Variants in RNF220 observed in about 807,000 individuals in gnomAD.
RNF220 encodes the protein E3 ubiquitin-protein ligase RNF220.
A neutral mutation model predicts 67.1 loss-of-function variants in RNF220; 7 were observed. That is an observed-to-expected ratio of 0.10 (90% confidence interval 0.06 to 0.20). RNF220 has a LOEUF of 0.20. Among genes scored for constraint, RNF220 ranks in the 10% least tolerant of loss-of-function variants. RNF220 has a pLI of 1.00. For synonymous variants in RNF220, 270 were observed against 283.2 expected, an observed-to-expected ratio of 0.95 and a Z score of 0.47; for missense variants, 565 against 740.3, an observed-to-expected ratio of 0.76 and a Z score of 2.75.
At chr1:44,549,822 G>A (rs976932284) in intron 2 of RNF220, among the ~76,000 whole-genome samples, 2 of 152,240 alleles carry the variant, frequency 1.3e-5, no homozygotes, top group African/African-American at 4.8e-5. Flanking sequence ...CAGCATCTTA[G>A]CTGGCAGACA....
At chr1:44,532,804 C>T (rs533731110) in intron 2 of RNF220, among the ~76,000 whole-genome samples, 6 of 152,330 alleles carry the variant, frequency 3.9e-5, no homozygotes, top group African/African-American at 1.2e-4. Flanking sequence ...TGCTATCCAC[C>T]TGTGTCTCCT....
At chr1:44,500,354 T>G (rs1184646432) in intron 2 of RNF220, among the ~76,000 whole-genome samples, 2 of 152,200 alleles carry the variant, frequency 1.3e-5, no homozygotes, top group African/African-American at 2.4e-5. Flanking sequence ...TATGTCTAAA[T>G]TCTGCCTGTA....
chr1:44,543,288 C>A (rs947127826), intron 2 of RNF220, among the ~76,000 whole-genome samples: 12 of 152,024 alleles, frequency 7.9e-5, no homozygotes, highest in Admixed American at 6.5e-4. Flanking sequence ...TGCCCAGTGA[C>A]ACCTGCAGGT....
At chr1:44,633,155 T>C (rs1392573667) in intron 6 of RNF220, among the ~76,000 whole-genome samples, 1 of 152,256 alleles carries the variant, frequency 6.6e-6, no homozygotes, top group African/African-American at 2.4e-5. Context: ...ACTTGGTTTC[T>C]GCTGCCAGGC....
chr1:44,534,200 G>T (rs1362436294), intron 2 of RNF220, among the ~76,000 whole-genome samples: 1 of 152,106 alleles, frequency 6.6e-6, no homozygotes, highest in African/African-American at 2.4e-5. Flanking sequence ...GGCTGGTCTC[G>T]AACTCCTGCG....
At chr1:44,423,497 C>T (rs1331412562) in intron 2 of RNF220, among the ~76,000 whole-genome samples, 1 of 152,166 alleles carries the variant, frequency 6.6e-6, no homozygotes, top group African/African-American at 2.4e-5. Context: ...AAAGATATGT[C>T]ACTAGAAAAT....
chr1:44,426,810 A>T (rs1333003638), intron 2 of RNF220, among the ~76,000 whole-genome samples: 2 of 152,186 alleles, frequency 1.3e-5, no homozygotes, highest in Non-Finnish European at 2.9e-5. Flanking sequence ...ATAGACCAGT[A>T]ACAAGCAGAT....
At chr1:44,632,125 G>A (rs1473927810) in intron 5 of RNF220, 2 of 1,508,602 alleles carry the variant, frequency 1.3e-6, no homozygotes, top group Admixed American at 2.0e-5. Flanking sequence ...CAGCGGCCAC[G>A]GGGTCCCGTT....
intron 2 of RNF220, among the ~76,000 whole-genome samples, chr1:44,505,662 A>G (rs938657863): frequency 2.6e-5 from 4 of 152,214 alleles, no homozygotes; most frequent in African/African-American, 9.6e-5. Flanking sequence ...CTTCAAAAGG[A>G]ACAGTCCTGG....
intron 8 of RNF220, among the ~76,000 whole-genome samples, chr1:44,641,153 C>T (rs912341649): frequency 6.6e-6 from 1 of 152,124 alleles, no homozygotes; most frequent in African/African-American, 2.4e-5. Context: ...TAACTCTCTC[C>T]CTCTTTGTTG....
chr1:44,591,904 C>T (rs776336040), intron 2 of RNF220, among the ~76,000 whole-genome samples: 2 of 152,050 alleles, frequency 1.3e-5, no homozygotes, highest in African/African-American at 2.4e-5. Flanking sequence ...TCTCCACCTC[C>T]GAGCCCTGAC....
chr1:44,647,786 T>C (rs1644692098), intron 12 of RNF220, among the ~76,000 whole-genome samples: 2 of 152,096 alleles, frequency 1.3e-5, no homozygotes, highest in Non-Finnish European at 2.9e-5. Context: ...GAGCCAATTG[T>C]CTCCCCTAAA....
chr1:44,477,336 C>T (rs973515748), intron 2 of RNF220, among the ~76,000 whole-genome samples: 4 of 152,076 alleles, frequency 2.6e-5, no homozygotes, highest in African/African-American at 9.7e-5. Context: ...GTTACAAATG[C>T]GGATGAATGC....
intron 2 of RNF220, among the ~76,000 whole-genome samples, chr1:44,481,297 C>T (rs572303893): frequency 2.2e-4 from 34 of 152,138 alleles, no homozygotes; most frequent in African/African-American, 8.2e-4. Flanking sequence ...TGATGACGTG[C>T]ACCTGTAGTC....
At chr1:44,424,341 T>C (rs1375592052) in intron 2 of RNF220, among the ~76,000 whole-genome samples, 1 of 152,112 alleles carries the variant, frequency 6.6e-6, no homozygotes, top group Non-Finnish European at 1.5e-5. Flanking sequence ...GTGAAGAATG[T>C]TATTTATAAT....
At chr1:44,442,494 G>C (rs575372551) in intron 2 of RNF220, among the ~76,000 whole-genome samples, 1 of 146,826 alleles carries the variant, frequency 6.8e-6, no homozygotes, top group Non-Finnish European at 1.5e-5. Flanking sequence ...TCTTTGCCCC[G>C]CTGCCGCACC....
At chr1:44,454,270 T>C (rs1652958300) in intron 2 of RNF220, among the ~76,000 whole-genome samples, 1 of 152,216 alleles carries the variant, frequency 6.6e-6, no homozygotes, top group Non-Finnish European at 1.5e-5. Flanking sequence ...GTTTTTGGAA[T>C]GGTATATCTT....
intron 2 of RNF220, among the ~76,000 whole-genome samples, chr1:44,603,158 G>A (rs988625448): frequency 1.3e-5 from 2 of 152,236 alleles, no homozygotes; most frequent in Non-Finnish European, 2.9e-5. Context: ...CTGATGCGCA[G>A]CAGCAAATCA....
At chr1:44,415,914 T>C (rs529646163) in intron 2 of RNF220, among the ~76,000 whole-genome samples, 62 of 152,404 alleles carry the variant, frequency 4.1e-4, no homozygotes, top group African/African-American at 1.3e-3. Flanking sequence ...CATGGTGTAA[T>C]GCACACATGT....
Sources: gnomAD v4.1 joint callset for allele counts (sites outside exome capture counted in the v4.1 genomes callset) on GRCh38, gnomAD v4.1.1 for gene constraint, MANE v1.5 for transcripts, NCBI Gene and HGNC (gene_info 2026-07-23, HGNC 2026-07-21) for gene names.